FHIT: variants seen among roughly 807,000 people sequenced by gnomAD.
FHIT encodes fragile histidine triad diadenosine triphosphatase, also known as bis(5'-adenosyl)-triphosphatase.
Under a neutral mutation model 17.9 loss-of-function variants are expected in FHIT, and 19 were observed. The observed-to-expected ratio is 1.06, with a 90% CI of 0.74 to 1.56. The LOEUF is 1.56. Ranked by LOEUF, FHIT falls within the 40% of genes most tolerant of loss-of-function variation. The pLI is 0.00. For synonymous variants in FHIT, 81 were observed against 69.7 expected (o/e 1.16, Z -0.81); for missense variants, 248 against 189.2 (o/e 1.31, Z -1.82).
intron 5 of FHIT, among the ~76,000 whole-genome samples, chr3:60,289,308 T>G (rs1707871522): frequency 6.6e-6 from 1 of 152,180 alleles, no homozygotes; most frequent in Non-Finnish European, 1.5e-5. Context: ...TTAAACATAT[T>G]TTAATGAATC....
chr3:59,948,983 T>C (rs1373398033), intron 7 of FHIT, among the ~76,000 whole-genome samples: 1 of 152,172 alleles, frequency 6.6e-6, no homozygotes, highest in South Asian at 2.1e-4. Flanking sequence ...TGAATGATCC[T>C]GTTACCCAGG....
intron 5 of FHIT, among the ~76,000 whole-genome samples, chr3:60,439,058 T>G (rs921611264): frequency 1.3e-5 from 2 of 152,152 alleles, no homozygotes; most frequent in African/African-American, 2.4e-5. Flanking sequence ...ATTGGCTTTA[T>G]ATTAGATGGA....
rs76589788 is a variant in FHIT at position 60,895,592 on chromosome 3, T to C, written c.-110-73581A>G. 3.7e-4 allele frequency among the ~76,000 whole-genome samples: 56 copies of C among 152,266 alleles called. No homozygotes were observed. The East Asian group carries it at 0.01, about 28-fold the overall frequency. On this transcript the variant is annotated intron_variant, in intron 3 of 9. Coordinates refer to ENST00000492590, the MANE Select transcript of FHIT (RefSeq NM_002012.4). ...AACTCTATTATTTCTTTCACAGCAA[T>C]TAGTTGGTTTTCTAGTGCAAGAAAC...
intron 5 of FHIT, among the ~76,000 whole-genome samples, chr3:60,189,765 G>A (rs1448983437): frequency 2.0e-5 from 3 of 152,150 alleles, no homozygotes; most frequent in Non-Finnish European, 4.4e-5. Context: ...TTTCAAAAGA[G>A]TTAACTACTT....
At chr3:61,202,606 A>G (rs1241260837) in intron 1 of FHIT, among the ~76,000 whole-genome samples, 1 of 152,232 alleles carries the variant, frequency 6.6e-6, no homozygotes, top group African/African-American at 2.4e-5. Flanking sequence ...AAGTATAACA[A>G]TATCTCAAAA....
At chr3:60,698,025 A>G (rs2041153922) in intron 4 of FHIT, among the ~76,000 whole-genome samples, 1 of 152,232 alleles carries the variant, frequency 6.6e-6, no homozygotes, top group Non-Finnish European at 1.5e-5. Context: ...TCTGTCTAAC[A>G]ATGCTAACCA....
intron 5 of FHIT, among the ~76,000 whole-genome samples, chr3:60,476,682 G>A (rs767889262): frequency 4.6e-5 from 7 of 152,106 alleles, no homozygotes; most frequent in Non-Finnish European, 1.0e-4. Context: ...CCTAGGGAGC[G>A]AGACACACCT....
chr3:60,453,852 T>A lies in FHIT; in HGVS notation c.103+83008A>T, dbSNP rs79885379. Among the ~76,000 whole-genome samples the A allele has an allele frequency of 5.3e-5, 8 of 152,262 alleles. No homozygotes were observed. The South Asian group carries it at 1.0e-3, about 20-fold the overall frequency. On this transcript the variant is annotated intron_variant, in intron 5 of 9. Coordinates refer to ENST00000492590, the MANE Select transcript of FHIT (RefSeq NM_002012.4). ...CAATAAGCTATATAAAGCATGCTAATAAGAACACTGAGGAAAAGCAATAAA... is the reference window on the plus strand; with the variant it reads ...CAATAAGCTATATAAAGCATGCTAAAAAGAACACTGAGGAAAAGCAATAAA...
intron 3 of FHIT, among the ~76,000 whole-genome samples, chr3:61,013,008 T>C (rs781461791): frequency 2.0e-5 from 3 of 152,104 alleles, no homozygotes; most frequent in Non-Finnish European, 2.9e-5. Context: ...CTCAACTCAT[T>C]ATAGTATTTA....
chr3:60,754,240 G>A (rs1475193662), intron 4 of FHIT, among the ~76,000 whole-genome samples: 8 of 152,162 alleles, frequency 5.3e-5, no homozygotes, highest in African/African-American at 1.9e-4. Flanking sequence ...TGAAAGGCCA[G>A]TTAACCTGAA....
At chr3:59,920,128 A>AATAAC (rs1466554239) in intron 8 of FHIT, among the ~76,000 whole-genome samples, 4 of 152,220 alleles carry the variant, frequency 2.6e-5, no homozygotes, top group African/African-American at 9.6e-5. Context: ...AAATAGTAAT[A>AATAAC]ATAACAGTAA....
intron 9 of FHIT, chr3:59,750,812 C>G (rs1490859300): frequency 4.8e-6 from 1 of 209,140 alleles, no homozygotes; most frequent in East Asian, 7.2e-5. Flanking sequence ...ACTTACATTT[C>G]AAGGTGAAAT....
intron 3 of FHIT, among the ~76,000 whole-genome samples, chr3:60,905,911 G>A (rs887742817): frequency 6.6e-6 from 1 of 151,910 alleles, no homozygotes; most frequent in African/African-American, 2.4e-5. Flanking sequence ...TTCTAGTTTT[G>A]ACTTGAACCA....
chr3:59,772,499 T>C (rs1274366055), intron 8 of FHIT, among the ~76,000 whole-genome samples: 2 of 152,210 alleles, frequency 1.3e-5, no homozygotes, highest in African/African-American at 2.4e-5. Flanking sequence ...GCAGTGTTAC[T>C]ATCCCCATTT....
chr3:60,643,404 C>T (rs1276287825), intron 4 of FHIT, among the ~76,000 whole-genome samples: 1 of 151,940 alleles, frequency 6.6e-6, no homozygotes, highest in African/African-American at 2.4e-5. Context: ...AAAAACAATC[C>T]TAAAATTCAT....
intron 3 of FHIT, among the ~76,000 whole-genome samples, chr3:60,940,920 AC>A (rs1175534526): frequency 6.6e-6 from 1 of 152,204 alleles, no homozygotes; most frequent in African/African-American, 2.4e-5. Context: ...CAGTCTCTAA[AC>A]CAGCACTGTC....
At chr3:60,831,247 A>G (rs2736750) in intron 3 of FHIT, among the ~76,000 whole-genome samples, 28,865 of 152,162 alleles carry the variant, frequency 0.19, 2,942 homozygotes, top group Middle Eastern at 0.28. Flanking sequence ...GCTGAAAAAC[A>G]TATGTTTTTA....
At chr3:60,786,355 T>G (rs1340603250) in intron 4 of FHIT, among the ~76,000 whole-genome samples, 2 of 152,260 alleles carry the variant, frequency 1.3e-5, no homozygotes, top group East Asian at 1.9e-4. Context: ...ATAATCTTGC[T>G]TTAGTTGATA....
intron 4 of FHIT, among the ~76,000 whole-genome samples, chr3:60,719,683 G>C (rs568130743): frequency 6.6e-6 from 1 of 152,238 alleles, no homozygotes; most frequent in South Asian, 2.1e-4. Flanking sequence ...ATTTCAACAA[G>C]AGCCTCACAC....
Sources: allele counts gnomAD v4.1 joint callset (sites outside exome capture counted in the v4.1 genomes callset), GRCh38; gene constraint gnomAD v4.1.1; transcripts MANE v1.5; gene names NCBI Gene and HGNC (gene_info 2026-07-23, HGNC 2026-07-21).